POMT1: variants seen among roughly 807,000 people sequenced by gnomAD.
POMT1 encodes the protein protein O-mannosyl-transferase 1.
A neutral mutation model predicts 101.6 loss-of-function variants in POMT1; 85 were observed. The observed-to-expected ratio is 0.84, with a 90% CI of 0.70 to 1.00. POMT1 has a LOEUF of 1.00. POMT1 is among the 50% of genes least tolerant of loss of function. The pLI is 0.00. For synonymous variants in POMT1, 371 were observed against 383.0 expected (o/e 0.97, Z 0.37); for missense variants, 857 against 930.4 (o/e 0.92, Z 1.03).
chr9:131,514,810 G>C (rs555413360), intron 12 of POMT1, among the ~76,000 whole-genome samples: 1 of 152,312 alleles, frequency 6.6e-6, no homozygotes, highest in Admixed American at 6.5e-5. Context: ...ACAAAAATTA[G>C]CCAGGCATGG....
At chr9:131,513,823 C>T (rs978785779) in intron 12 of POMT1, among the ~76,000 whole-genome samples, 1 of 152,216 alleles carries the variant, frequency 6.6e-6, no homozygotes, top group African/African-American at 2.4e-5. Flanking sequence ...ACACCCTCCT[C>T]CTTCCTCCCT....
rs62636653 is a variant in POMT1, at chr9:131,518,950, C to T, written c.1479C>T (p.Tyr493=). ...STVWNVEEHR[Y]GASQEQRERE... is the part of the protein sequence containing the mutation. ...TGTGGAACGTGGAGGAGCACCGATA[C>T]GGCGCGAGTGAGTCCGCGGCGTGGC... The change falls in exon 15 of 20, where the codon TAC becomes TAT. Residue 493 remains tyrosine (Y), a synonymous_variant. Coordinates refer to ENST00000402686, the MANE Select transcript of POMT1 (RefSeq NM_001077365.2). 1.9e-3 allele frequency: 3,013 copies of T among 1,613,516 alleles called. 55 individuals are homozygous for T. The African/African-American group carries it at 0.034, about 18-fold the overall frequency.
chr9:131,522,170 T>A lies in POMT1; in HGVS notation c.1949T>A (p.Phe650Tyr). ...TACCACTACCTGCCCGCACTCACCT[T>A]CCAAATCCTTCTGCTCCCTGTGGTC... ...FLYHYLPALT[F>Y]QILLLPVVLQ... Residue 650 changes from phenylalanine to tyrosine, a missense_variant, in exon 19 of 20, where the codon TTC (phenylalanine) becomes TAC (tyrosine). Coordinates refer to ENST00000402686, the MANE Select transcript of POMT1 (RefSeq NM_001077365.2). The surrounding 1 kb of genome is among the most constrained non-coding windows in gnomAD (Gnocchi z 5.5). 6.2e-7 allele frequency: 1 copy of A among 1,614,152 alleles called. No homozygotes were observed. The highest frequency in any genetic ancestry group is 8.5e-7 in the Non-Finnish European group (1 of 1,180,046).
chr9:131,520,818 G>T (rs759141617), intron 17 of POMT1, among the ~76,000 whole-genome samples: 37 of 152,080 alleles, frequency 2.4e-4, no homozygotes, highest in Non-Finnish European at 7.3e-5. Context: ...AAAATTGAGA[G>T]CATCAGTGCT....
At chr9:131,520,216 T>C in intron 17 of POMT1, 23 bp downstream of exon 17, 3 of 1,566,258 alleles carry the variant, frequency 1.9e-6, no homozygotes, top group Non-Finnish European at 2.6e-6. Flanking sequence ...TGCTGACAGC[T>C]GACAGTCATA....
intron 12 of POMT1, 100 bp downstream of exon 12, chr9:131,513,431 G>A (rs991044258): frequency 9.3e-7 from 1 of 1,075,790 alleles, no homozygotes; most frequent in Non-Finnish European, 1.4e-6. Flanking sequence ...GCTGCCCCCT[G>A]TCTACCCATC....
At chr9:131,510,470 A>T in intron 9 of POMT1, 55 bp downstream of exon 9, 1 of 1,558,252 alleles carries the variant, frequency 6.4e-7, no homozygotes, top group Non-Finnish European at 8.8e-7. Flanking sequence ...TAGTGGACCC[A>T]GAGTTTTCTT....
At chr9:131,504,480 C>T in intron 2 of POMT1, 140 bp downstream of exon 2, 7 of 1,268,602 alleles carry the variant, frequency 5.5e-6, no homozygotes, top group South Asian at 1.3e-5. Context: ...GAGGAGAGAC[C>T]AGTCTGTCCC....
chr9:131,517,156 A>G (rs1482676723), intron 13 of POMT1, among the ~76,000 whole-genome samples: 1 of 151,872 alleles, frequency 6.6e-6, no homozygotes, highest in Non-Finnish European at 1.5e-5. Context: ...ACGCAGGCTC[A>G]GCCCTGTTTC....
chr9:131,511,456 C>G lies in POMT1; in HGVS notation c.975C>G (p.Thr325=). 1 of 1,614,162 alleles carries G rather than the reference C, an allele frequency of 6.2e-7. No individual in the cohort carries two copies. The highest frequency in any genetic ancestry group is 8.5e-7 in the Non-Finnish European group (1 of 1,180,014). The change falls in exon 10 of 20, where the codon ACC becomes ACG. Residue 325 remains threonine, a synonymous_variant. Transcript: ENST00000402686. ...GCTGGCTTCATTCCCACCAGGACAC[C>G]TACCCCATGATGTAAGGTGATGGTT... ...VPCWLHSHQD[T]YPMIYENGRG...
chr9:131,516,714 G>GTGCCAGGTGCGCTTGAGGCTC (rs1178151893), intron 13 of POMT1: 3 of 152,324 alleles, frequency 2.0e-5, no homozygotes, highest in African/African-American at 7.2e-5. Flanking sequence ...TCCATGTTGG[G>GTGCCAGGTGCGCTTGAGGCTC]TGCCAGGTGC....
chr9:131,520,753 A>G (rs773096968), intron 17 of POMT1, among the ~76,000 whole-genome samples: 1 of 152,338 alleles, frequency 6.6e-6, no homozygotes, highest in Middle Eastern at 3.4e-3. Flanking sequence ...CTCCGTGGAC[A>G]GCGCTGCTGT....
chr9:131,519,017 G>C lies in POMT1; in HGVS notation c.1486+60G>C. 1 of 1,608,530 alleles carries C rather than the reference G, an allele frequency of 6.2e-7. No individual in the cohort carries two copies. Among genetic ancestry groups the C allele is most frequent in the Non-Finnish European group, 8.5e-7 (1 of 1,179,540 alleles). On this transcript the variant is annotated intron_variant, in intron 15 of 19. Coordinates refer to ENST00000402686, the MANE Select transcript of POMT1 (RefSeq NM_001077365.2). The surrounding 1 kb of genome is among the most constrained non-coding windows in gnomAD (Gnocchi z 4.3). Reference sequence around the variant, plus strand: ...ATGTACTTTCAGCTGCTCAATATTTGATAACACCCCAGAGTTCTCATTTTG... The same window carrying C: ...ATGTACTTTCAGCTGCTCAATATTTCATAACACCCCAGAGTTCTCATTTTG...
Position 131,521,160 on chromosome 9 carries a change from TG to T in POMT1, c.1699-185del, listed in dbSNP as rs1949844788. ...ACCCGGCTGGCATCAGTGCTTTTAA[TG>T]AAAGGTCTGAGTAGGAGCAGACCTG... On this transcript the variant is annotated intron_variant, in intron 17 of 19. Transcript: ENST00000402686. The T allele has an allele frequency of 6.5e-6, 5 of 763,664 alleles. No individual in the cohort carries two copies. In the Admixed American group the frequency reaches 1.1e-4, roughly 16 times the overall value. The allele number at this position is 763,664 out of a possible 1,614,324, so 47.3% of individuals were successfully genotyped here.
intron 5 of POMT1, among the ~76,000 whole-genome samples, chr9:131,508,254 C>T (rs1251472084): frequency 9.4e-5 from 11 of 117,028 alleles, no homozygotes; most frequent in East Asian, 5.4e-4. Context: ...ATAAATAAGC[C>T]GGGCACGGTG....
intron 4 of POMT1, chr9:131,506,900 C>T: frequency 8.2e-6 from 2 of 243,848 alleles, no homozygotes; most frequent in South Asian, 9.9e-5. Flanking sequence ...AACCCCGTCT[C>T]TACTAAAAAT....
rs1205125730 is a variant in POMT1 at position 131,522,442 on chromosome 9, C to T, written c.2003+218C>T. ...AAGTCGCGGCTGACAGAGATGAAAG[C>T]GGAGTGGGTGGGGAGACGGGGAGGG... is the stretch of plus-strand genomic sequence containing the variant. On this transcript the variant is annotated intron_variant, in intron 19 of 19. Coordinates refer to ENST00000402686, the MANE Select transcript of POMT1 (RefSeq NM_001077365.2). This position sits in a 1 kb window ranked among gnomAD's most constrained non-coding sequence, Gnocchi z 5.5. 1.4e-5 allele frequency: 13 copies of T among 961,482 alleles called. No individual in the cohort carries two copies. The highest frequency in any genetic ancestry group is 1.0e-4 in the South Asian group (6 of 59,248). 59.6% of individuals were successfully genotyped at this position (961,482 alleles called of 1,614,324 possible). A position where few individuals can be genotyped will look rare whatever the true frequency, so the allele number is the denominator to read the frequency against.
Position 131,508,927 on chromosome 9 carries a change from T to C in POMT1, c.444T>C (p.Thr148=). The C allele has an allele frequency of 6.2e-7, 1 of 1,612,608 alleles. No individual in the cohort carries two copies. The highest frequency in any genetic ancestry group is 8.5e-7 in the Non-Finnish European group (1 of 1,178,578). ...LLMLIENALI[T]QSRLMLLESV... ...TTGAAACAGAGAATGCTCTCATCAC[T>C]CAGTCAAGGCTAATGCTTTTGGAAT... Residue 148 remains threonine, a synonymous_variant, in exon 6 of 20, where the codon ACT becomes ACC. Coordinates refer to ENST00000402686, the MANE Select transcript of POMT1 (RefSeq NM_001077365.2).
chr9:131,504,099 C>T lies in POMT1; in HGVS notation c.-30-90C>T, dbSNP rs1945188011. On this transcript the variant is annotated intron_variant, in intron 1 of 19. Coordinates refer to ENST00000402686, the MANE Select transcript of POMT1 (RefSeq NM_001077365.2). Reference sequence around the variant, plus strand: ...AGCAGCCCGGCTGTGCTGTGGTTCTCCTCGTGTGTCCGGGAGCCGGGTGGC... The same window carrying T: ...AGCAGCCCGGCTGTGCTGTGGTTCTTCTCGTGTGTCCGGGAGCCGGGTGGC... The T allele has an allele frequency of 8.1e-6, 12 of 1,486,606 alleles. No homozygotes were observed. The Admixed American group carries it at 1.7e-4, about 21-fold the overall frequency. The allele number at this position is 1,486,606 out of a possible 1,614,324, so 92.1% of individuals were successfully genotyped here. A position where few individuals can be genotyped will look rare whatever the true frequency, so the allele number is the denominator to read the frequency against.
Sources: gnomAD v4.1 joint callset for allele counts (sites outside exome capture counted in the v4.1 genomes callset) on GRCh38, gnomAD v4.1.1 for gene constraint, Gnocchi (gnomAD v3.1) non-coding constraint, MANE v1.5 for transcripts, NCBI Gene and HGNC (gene_info 2026-07-23, HGNC 2026-07-21) for gene names.